The following ARHGAP36 variants were observed in gnomAD, a reference collection of about 807,000 sequenced individuals.
The protein encoded by ARHGAP36 is rho GTPase-activating protein 36.
ARHGAP36 carries 7 observed loss-of-function variants against 32.9 expected under a neutral mutation model. That is an observed-to-expected ratio of 0.21 (90% CI 0.12 to 0.40). The LOEUF (loss-of-function observed/expected upper bound fraction) is 0.40. Among genes scored for constraint, ARHGAP36 ranks in the 10% least tolerant of loss-of-function variants. The probability of loss-of-function intolerance (pLI) is 1.00; values close to 1 mark genes in which losing one functional copy is unlikely to be tolerated. For synonymous variants in ARHGAP36, 165 were observed against 168.3 expected (o/e 0.98, Z 0.15); for missense variants, 383 against 442.2 (o/e 0.87, Z 1.20).
intron 1 of ARHGAP36, among the ~76,000 whole-genome samples, chrX:131,076,377 G>A (rs1335284724): frequency 8.9e-6 from 1 of 112,143 alleles, no homozygotes; most frequent in Admixed American, 9.4e-5. Flanking sequence ...CTGTATCTTC[G>A]TGTACTTGAT....
rs753445459 is a variant in ARHGAP36, at chrX:131,085,784, T to C, written c.1104+48T>C. On this transcript the variant is annotated intron_variant, in intron 8 of 11. Coordinates refer to ENST00000276211, the MANE Select transcript of ARHGAP36 (RefSeq NM_144967.4). ...AGTGAAAACTGTAGTAGGGGACATA[T>C]GTGGGAGTATATCAGCAAGAGGGTG... The C allele has an allele frequency of 2.5e-6, 3 of 1,194,353 alleles. 1 individual carries two copies. The highest frequency in any genetic ancestry group is 4.4e-5 in the Admixed American group (2 of 45,306).
intron 1 of ARHGAP36, among the ~76,000 whole-genome samples, chrX:131,071,427 T>C (rs745461915): frequency 9.0e-6 from 1 of 111,159 alleles, no homozygotes; most frequent in African/African-American, 3.3e-5. Context: ...TTGGGTAAGA[T>C]TTATTTAATT....
At chrX:131,071,512 C>A (rs901205386) in intron 1 of ARHGAP36, among the ~76,000 whole-genome samples, 11 of 111,625 alleles carry the variant, frequency 9.9e-5, no homozygotes, top group Non-Finnish European at 1.7e-4. Context: ...GAAAAGAGCA[C>A]CACCAGTGCT....
intron 2 of ARHGAP36, 71 bp from the exon 3 acceptor site, chrX:131,083,094 G>A: frequency 1.9e-6 from 2 of 1,051,325 alleles, no homozygotes; most frequent in South Asian, 4.1e-5. Context: ...GCAGATCAGG[G>A]CATTGGGATG....
At chrX:131,077,764 CATATAT>C (rs72142237) in intron 1 of ARHGAP36, among the ~76,000 whole-genome samples, 2,154 of 86,470 alleles carry the variant, frequency 0.025, 37 homozygotes, top group Non-Finnish European at 0.035. Flanking sequence ...CAAATAAAAT[CATATAT>C]ATATATATAT....
chrX:131,076,568 A>G (rs2079763823), intron 1 of ARHGAP36, among the ~76,000 whole-genome samples: 1 of 112,729 alleles, frequency 8.9e-6, no homozygotes, highest in Non-Finnish European at 1.9e-5. Context: ...GCCGTCAGAT[A>G]TGACCTACCC....
chrX:131,074,650 T>G (rs1435443234), intron 1 of ARHGAP36, among the ~76,000 whole-genome samples: 1 of 111,876 alleles, frequency 8.9e-6, no homozygotes, highest in Non-Finnish European at 1.9e-5. Flanking sequence ...ATATTTAAAT[T>G]AGTGCAAGAA....
intron 1 of ARHGAP36, among the ~76,000 whole-genome samples, chrX:131,065,891 C>T (rs977454933): frequency 9.0e-5 from 10 of 111,726 alleles, no homozygotes; most frequent in Non-Finnish European, 1.9e-4. Context: ...TGAAAAGTGG[C>T]GAAGTGACTC....
intron 11 of ARHGAP36, among the ~76,000 whole-genome samples, chrX:131,087,506 A>T (rs1316048785): frequency 9.0e-6 from 1 of 111,672 alleles, no homozygotes; most frequent in Non-Finnish European, 1.9e-5. Flanking sequence ...CCTGAAGAAG[A>T]TCCCAGTCTT....
rs1002290242 is a variant in ARHGAP36, at chrX:131,089,135, C to T, written c.*350C>T. The T allele has an allele frequency of 3.9e-5, 6 of 154,648 alleles. No homozygotes were observed. The highest frequency in any genetic ancestry group is 8.1e-5 in the Admixed American group (1 of 12,339). 12.7% of individuals were successfully genotyped at this position (154,648 alleles called of 1,213,427 possible). On this transcript the variant is annotated 3_prime_UTR_variant, in exon 12 of 12. Transcript: ENST00000276211. ...TAAACACCTTTCCCAGGGAACCTCA[C>T]AAATCTTGAGATGCTTTCCCTTCCC... is the stretch of plus-strand genomic sequence containing the variant.
chrX:131,075,587 A>G (rs2079757811), intron 1 of ARHGAP36, among the ~76,000 whole-genome samples: 1 of 100,039 alleles, frequency 1.0e-5, no homozygotes, highest in Non-Finnish European at 2.0e-5. Flanking sequence ...ACACATATAT[A>G]AACACACACA....
At chrX:131,081,497 A>G in intron 1 of ARHGAP36, 27 bp from the exon 2 acceptor site, 1 of 1,030,757 alleles carries the variant, frequency 9.7e-7, no homozygotes, top group South Asian at 3.5e-5. Flanking sequence ...TGAATTTTTG[A>G]AGTTGGATTT....
chrX:131,068,241 G>A (rs1280457882), intron 1 of ARHGAP36, among the ~76,000 whole-genome samples: 1 of 110,819 alleles, frequency 9.0e-6, no homozygotes, highest in African/African-American at 3.3e-5. Context: ...CCGCGCGCGC[G>A]CACACACGCT....
At chrX:131,068,815 C>G (rs930797332) in intron 1 of ARHGAP36, among the ~76,000 whole-genome samples, 29 of 110,975 alleles carry the variant, frequency 2.6e-4, no homozygotes, top group Non-Finnish European at 4.9e-4. Flanking sequence ...GAAGACTTTT[C>G]TTAATGGAGA....
Position 131,088,940 on chromosome X carries a change from A to T in ARHGAP36, c.*155A>T. On this transcript the variant is annotated 3_prime_UTR_variant, in exon 12 of 12. Coordinates refer to ENST00000276211, the MANE Select transcript of ARHGAP36 (RefSeq NM_144967.4). ...GGGTCAGGATGAGAATTCCAAACAC[A>T]CTGCCAGCCCCTTCACTGGGGATGC... is the stretch of plus-strand genomic sequence containing the variant. The T allele has an allele frequency of 3.9e-6, 3 of 765,523 alleles. No homozygotes were observed. The highest frequency in any genetic ancestry group is 3.4e-5 in the South Asian group (1 of 29,576). 63.1% of individuals were successfully genotyped at this position (765,523 alleles called of 1,213,427 possible).
At position 131,088,825 on chromosome X, in the gene ARHGAP36, G is replaced by C; in HGVS notation, c.*40G>C. 4.3e-6 allele frequency: 5 copies of C among 1,173,186 alleles called. No individual in the cohort carries two copies. Among genetic ancestry groups the C allele is most frequent in the Non-Finnish European group, 4.6e-6 (4 of 877,877 alleles). On this transcript the variant is annotated 3_prime_UTR_variant, in exon 12 of 12. Transcript: ENST00000276211. ...ATAAGGTGCCAGACAGGGGAAAAGG[G>C]TGGGGGTACATCTGGGATGTCACAG...
Position 131,081,744 on chromosome X carries a change from G to T in ARHGAP36, c.79G>T (p.Ala27Ser), listed in dbSNP as rs1385758857. 2.5e-6 allele frequency: 3 copies of T among 1,209,888 alleles called. No individual in the cohort carries two copies. The highest frequency in any genetic ancestry group is 3.5e-5 in the African/African-American group (2 of 57,043). The change falls in exon 2 of 12, where the codon GCC (alanine) becomes TCC (serine). Residue 27 changes from alanine to serine, a missense_variant. Ala to Ser is a moderately conservative substitution (Grantham distance 99, BLOSUM62 1). Around this residue, in one of 2 missense-constraint regions of ARHGAP36, gnomAD observed 156 missense variants for 131.0 expected, o/e 1.19. Transcript: ENST00000276211. Reference protein sequence around the residue: ...RIMPPLLLLSAFIFLVSVLGG... With the variant: ...RIMPPLLLLSSFIFLVSVLGG... ...CATGCCCCCTTTGCTGTTGTTGTCC[G>T]CCTTCATTTTTTTAGTGAGTGTCTT... is the stretch of plus-strand genomic sequence containing the variant.
Position 131,075,037 on chromosome X carries a change from A to G in ARHGAP36, c.-142-6487A>G, listed in dbSNP as rs1046834253. ...GGTGAGTACCCATTTTCATCTTCAA[A>G]GGATGATACAGAGGCATTCTTCAGC... is the stretch of plus-strand genomic sequence containing the variant. On this transcript the variant is annotated intron_variant, in intron 1 of 11. Coordinates refer to ENST00000276211, the MANE Select transcript of ARHGAP36 (RefSeq NM_144967.4). Among the ~76,000 whole-genome samples the G allele has an allele frequency of 7.1e-5, 8 of 112,187 alleles. No homozygotes were observed. In the East Asian group the frequency reaches 2.2e-3, roughly 32 times the overall value.
At chrX:131,078,940 TG>T (rs201793036) in intron 1 of ARHGAP36, among the ~76,000 whole-genome samples, 1,453 of 111,949 alleles carry the variant, frequency 0.013, 26 homozygotes, top group African/African-American at 0.045. Flanking sequence ...CTTTTGGGGC[TG>T]TTGTTGATTG....
Sources: gnomAD v4.1 joint callset for allele counts (sites outside exome capture counted in the v4.1 genomes callset) on GRCh38, gnomAD v4.1.1 for gene constraint, gnomAD v4.1.1 regional missense constraint, MANE v1.5 for transcripts, NCBI Gene and HGNC (gene_info 2026-07-23, HGNC 2026-07-21) for gene names.